The following ADAMTS3 variants were observed in gnomAD, a reference collection of about 807,000 sequenced individuals.
The protein encoded by ADAMTS3 is A disintegrin and metalloproteinase with thrombospondin motifs 3.
ADAMTS3 carries 73 observed loss-of-function variants against 129.0 expected under a neutral mutation model. That is an observed-to-expected ratio of 0.57 (90% CI 0.47 to 0.69). The LOEUF is 0.69. Ranked by LOEUF, ADAMTS3 falls within the 30% of genes least tolerant of loss-of-function variation. The pLI is 0.00. For missense variants in ADAMTS3, 1,457 were observed against 1,514.5 expected, an observed-to-expected ratio of 0.96 and a Z score of 0.63; for synonymous variants, 477 against 510.8, an observed-to-expected ratio of 0.93 and a Z score of 0.89.
intron 2 of ADAMTS3, among the ~76,000 whole-genome samples, chr4:72,554,406 T>A (rs953971306): frequency 2.0e-5 from 3 of 152,196 alleles, no homozygotes; most frequent in Non-Finnish European, 4.4e-5. Context: ...AAATATAGGT[T>A]AAAAGAAAAT....
intron 3 of ADAMTS3, among the ~76,000 whole-genome samples, chr4:72,428,447 G>GA (rs1722621801): frequency 6.6e-6 from 1 of 152,022 alleles, no homozygotes; most frequent in African/African-American, 2.4e-5. Context: ...AAACCTCTAT[G>GA]AAAAGACTTA....
chr4:72,397,196 A>G (rs930542342), intron 4 of ADAMTS3, among the ~76,000 whole-genome samples: 1 of 152,184 alleles, frequency 6.6e-6, no homozygotes, highest in Admixed American at 6.5e-5. Context: ...AACTTCTGTG[A>G]GTATATTTTT....
chr4:72,511,780 G>C (rs1453217508), intron 3 of ADAMTS3, among the ~76,000 whole-genome samples: 1 of 152,048 alleles, frequency 6.6e-6, no homozygotes, highest in Non-Finnish European at 1.5e-5. Flanking sequence ...CAAAAGAAAG[G>C]CTATCAGTAT....
Position 72,328,352 on chromosome 4 carries a change from A to C in ADAMTS3, c.862-5255T>G, listed in dbSNP as rs1327896255. 4.6e-5 allele frequency among the ~76,000 whole-genome samples: 7 copies of C among 152,338 alleles called. No homozygotes were observed. The East Asian group carries it at 1.4e-3, about 29-fold the overall frequency. On this transcript the variant is annotated intron_variant, in intron 5 of 21. Coordinates refer to ENST00000286657, the MANE Select transcript of ADAMTS3 (RefSeq NM_014243.3). ...TTCCAGGTTTGTTCCCGGACAGGAC[A>C]AATTCTCCCAGGACATTTCGCTGGC...
At chr4:72,476,870 A>G (rs1719249113) in intron 3 of ADAMTS3, among the ~76,000 whole-genome samples, 1 of 152,192 alleles carries the variant, frequency 6.6e-6, no homozygotes, top group Non-Finnish European at 1.5e-5. Context: ...TTCAAGAATC[A>G]ATCAATGTAA....
At chr4:72,484,762 A>G (rs1578724583) in intron 3 of ADAMTS3, among the ~76,000 whole-genome samples, 2 of 152,324 alleles carry the variant, frequency 1.3e-5, no homozygotes, top group South Asian at 4.1e-4. Context: ...CATATAGCCT[A>G]CCTTAAAGGT....
chr4:72,548,857 T>C lies in ADAMTS3; in HGVS notation c.125A>G (p.Tyr42Cys), dbSNP rs1207289511. The change falls in exon 3 of 22, where the codon TAT (tyrosine) becomes TGT (cysteine). Residue 42 changes from tyrosine (Y) to cysteine (C), a missense_variant. By Grantham distance (194) the Tyr-to-Cys change is radical. Coordinates refer to ENST00000286657, the MANE Select transcript of ADAMTS3 (RefSeq NM_014243.3). ...TGTGCTGACTGGAGTCACCAGCTCA[T>C]ACTCTCTATATCTCTTTATTGGTAA... is the stretch of plus-strand genomic sequence containing the variant. ...IDLPIKRYRE[Y>C]ELVTPVSTNL... is the part of the protein sequence containing the mutation. 6.2e-7 allele frequency: 1 copy of C among 1,612,922 alleles called. No individual in the cohort carries two copies. The highest frequency in any genetic ancestry group is 1.3e-5 in the African/African-American group (1 of 75,010).
chr4:72,447,597 A>T (rs1187552432), intron 3 of ADAMTS3, among the ~76,000 whole-genome samples: 1 of 151,806 alleles, frequency 6.6e-6, no homozygotes, highest in African/African-American at 2.4e-5. Context: ...TCTTGTATTC[A>T]AAAACAAGTG....
intron 3 of ADAMTS3, among the ~76,000 whole-genome samples, chr4:72,442,375 C>T (rs1718140668): frequency 6.6e-6 from 1 of 151,804 alleles, no homozygotes; most frequent in Non-Finnish European, 1.5e-5. Context: ...TTGTCATCTG[C>T]TTCTGGCAAT....
chr4:72,445,322 T>C (rs1718222821), intron 3 of ADAMTS3, among the ~76,000 whole-genome samples: 2 of 151,802 alleles, frequency 1.3e-5, no homozygotes, highest in African/African-American at 4.8e-5. Context: ...TCTGAGAGGA[T>C]ACAGAGAAAG....
intron 4 of ADAMTS3, among the ~76,000 whole-genome samples, chr4:72,407,630 T>A (rs139608649): frequency 5.9e-5 from 9 of 152,088 alleles, no homozygotes. Flanking sequence ...GGGTGATAAA[T>A]GCTTAGAACT....
In ADAMTS3 at chr4:72,530,738, A is replaced by ATATATAT. The variant is rs71655713; in HGVS notation, c.504+17733_504+17739dup. On this transcript the variant is annotated intron_variant, in intron 3 of 21. Coordinates refer to ENST00000286657, the MANE Select transcript of ADAMTS3 (RefSeq NM_014243.3). ...TATATAATATTATACATTATATATT[A>ATATATAT]TATATATTATATATTATATATTATA... Among the ~76,000 whole-genome samples, 755 of 78,242 alleles carry ATATATAT rather than the reference A, an allele frequency of 9.6e-3. 17 individuals are homozygous for ATATATAT. Among genetic ancestry groups the ATATATAT allele is most frequent in the African/African-American group, 0.039 (716 of 18,456 alleles). 51.3% of individuals were successfully genotyped at this position (78,242 alleles called of 152,430 possible).
At chr4:72,321,833 C>T (rs1159276562) in intron 6 of ADAMTS3, among the ~76,000 whole-genome samples, 1 of 151,916 alleles carries the variant, frequency 6.6e-6, no homozygotes, top group Non-Finnish European at 1.5e-5. Context: ...GTGGACTCTT[C>T]CAGTTCTGAT....
At chr4:72,442,156 A>G (rs1718135201) in intron 3 of ADAMTS3, 1 of 151,870 alleles carries the variant, frequency 6.6e-6, no homozygotes, top group Admixed American at 6.6e-5. Context: ...CTGGGCTAGG[A>G]TATCTCAAGG....
intron 17 of ADAMTS3, among the ~76,000 whole-genome samples, chr4:72,302,357 G>T (rs1285766747): frequency 6.6e-6 from 1 of 150,908 alleles, no homozygotes; most frequent in Non-Finnish European, 1.5e-5. Context: ...TGCACCATCG[G>T]ATACGAAAAA....
chr4:72,324,163 G>A (rs952620722), intron 5 of ADAMTS3, among the ~76,000 whole-genome samples: 3 of 152,168 alleles, frequency 2.0e-5, no homozygotes, highest in Non-Finnish European at 2.9e-5. Context: ...ACAGCAACCT[G>A]AAAGCTGCAC....
At chr4:72,498,451 T>C (rs1212430168) in intron 3 of ADAMTS3, among the ~76,000 whole-genome samples, 1 of 151,962 alleles carries the variant, frequency 6.6e-6, no homozygotes, top group African/African-American at 2.4e-5. Flanking sequence ...AAAGAATTTG[T>C]TTTCAGAAGA....
intron 14 of ADAMTS3, 151 bp from the exon 15 acceptor site, chr4:72,309,671 G>GT (rs1172223808): frequency 8.5e-6 from 6 of 704,770 alleles, no homozygotes; most frequent in Non-Finnish European, 1.3e-5. Flanking sequence ...TAATACCTCA[G>GT]TTTTTTAAAA....
Position 72,313,834 on chromosome 4 carries a change from G to A in ADAMTS3, c.1600-12C>T, listed in dbSNP as rs765503655. On this transcript the variant is annotated splice_polypyrimidine_tract_variant and intron_variant, in intron 11 of 21. Coordinates refer to ENST00000286657, the MANE Select transcript of ADAMTS3 (RefSeq NM_014243.3). ...CCCTTATAGCACCACTTAGAAAAAT[G>A]ACAAAAGGTAATTATTAAAATCACG... 6.2e-7 allele frequency: 1 copy of A among 1,613,300 alleles called. No homozygotes were observed. The highest frequency in any genetic ancestry group is 8.5e-7 in the Non-Finnish European group (1 of 1,179,548).
Sources: gnomAD v4.1 joint callset for allele counts (sites outside exome capture counted in the v4.1 genomes callset) on GRCh38, gnomAD v4.1.1 for gene constraint, MANE v1.5 for transcripts, NCBI Gene and HGNC (gene_info 2026-07-23, HGNC 2026-07-21) for gene names.